Variants in TNS1 observed in about 807,000 individuals in gnomAD.
TNS1 encodes tensin 1, also known as tensin-1.
TNS1 carries 62 observed loss-of-function variants against 168.6 expected under a neutral mutation model. The observed-to-expected ratio is 0.37, with a 90% CI of 0.30 to 0.45. The LOEUF (loss-of-function observed/expected upper bound fraction) is 0.45. TNS1 is among the 20% of genes least tolerant of loss of function. The pLI, the probability that TNS1 is intolerant of heterozygous loss-of-function variation, is 1.00. For synonymous variants in TNS1, 934 were observed against 933.2 expected (o/e 1.00, Z -0.02); for missense variants, 2,240 against 2,339.4 (o/e 0.96, Z 0.88).
At chr2:217,924,113 C>G (rs532364021) in intron 3 of TNS1, among the ~76,000 whole-genome samples, 1 of 152,346 alleles carries the variant, frequency 6.6e-6, no homozygotes, top group East Asian at 1.9e-4. Context: ...AAGCCACACA[C>G]AGAGGTGGGT....
intron 1 of TNS1, among the ~76,000 whole-genome samples, chr2:218,020,049 G>A (rs564537755): frequency 2.0e-5 from 3 of 152,234 alleles, no homozygotes; most frequent in Admixed American, 1.3e-4. Context: ...GAACACACAT[G>A]TTGACTCTCG....
At chr2:217,939,196 G>A (rs1956785610) in intron 3 of TNS1, among the ~76,000 whole-genome samples, 1 of 152,196 alleles carries the variant, frequency 6.6e-6, no homozygotes, top group Non-Finnish European at 1.5e-5. Context: ...GGAAACTGAG[G>A]CTCACAGAGG....
At chr2:218,028,677 A>G (rs910608382) in intron 1 of TNS1, among the ~76,000 whole-genome samples, 6 of 152,134 alleles carry the variant, frequency 3.9e-5, no homozygotes, top group Non-Finnish European at 7.4e-5. Flanking sequence ...TCCATCCCCT[A>G]TCCTTGGGGT....
intron 30 of TNS1, chr2:217,809,578 TA>T (rs1352410085): frequency 0.011 from 881 of 77,672 alleles, 296 homozygotes; most frequent in Admixed American, 0.047. Context: ...GATGGATGGA[TA>T]GGTGCATGGA....
At chr2:217,908,801 G>C (rs556505732) in intron 4 of TNS1, among the ~76,000 whole-genome samples, 2 of 152,174 alleles carry the variant, frequency 1.3e-5, no homozygotes, top group African/African-American at 4.8e-5. Context: ...ACGGGGTCCA[G>C]GCACAGGGGT....
At chr2:217,940,556 C>A (rs779756925) in intron 3 of TNS1, among the ~76,000 whole-genome samples, 3 of 151,924 alleles carry the variant, frequency 2.0e-5, no homozygotes, top group Non-Finnish European at 4.4e-5. Context: ...GAAAGAGTGT[C>A]GTCATTTAGC....
chr2:218,018,086 T>C (rs775712461), intron 1 of TNS1, among the ~76,000 whole-genome samples: 1 of 151,948 alleles, frequency 6.6e-6, no homozygotes, highest in Non-Finnish European at 1.5e-5. Context: ...AAGAGAGGAA[T>C]TGGAGGGTAC....
chr2:217,906,566 C>A (rs1241252007), intron 5 of TNS1, among the ~76,000 whole-genome samples, 181 bp from the exon 6 acceptor site: 1 of 152,230 alleles, frequency 6.6e-6, no homozygotes, highest in Non-Finnish European at 1.5e-5. Flanking sequence ...ACCAAATCCT[C>A]TCCTTTACAA....
rs1405954729 is a variant in TNS1 at position 217,900,507 on chromosome 2, G to A, written c.327C>T (p.Ser109=). The change falls in exon 7 of 33, where the codon TCC becomes TCT. Residue 109 remains serine, a synonymous_variant. Transcript: ENST00000682258. Reference sequence around the variant, plus strand: ...GCTGGACACTCGGGGTGACCCTGGTGGAGCCCTGGGAAGGAGAGAAGAGAA... The same window carrying A: ...GCTGGACACTCGGGGTGACCCTGGTAGAGCCCTGGGAAGGAGAGAAGAGAA... ...NTRKSLEDNG[S]TRVTPSVQPH... is the part of the protein sequence containing the mutation. 2 of 1,535,542 alleles carry A rather than the reference G, an allele frequency of 1.3e-6. No individual in the cohort carries two copies. Among genetic ancestry groups the A allele is most frequent in the East Asian group, 2.4e-5 (1 of 40,902 alleles).
chr2:217,988,407 G>C (rs1958256595), intron 2 of TNS1, among the ~76,000 whole-genome samples: 1 of 152,202 alleles, frequency 6.6e-6, no homozygotes, highest in Admixed American at 6.5e-5. Context: ...ACTGCAGCCA[G>C]AGAAATGCCC....
intron 3 of TNS1, among the ~76,000 whole-genome samples, chr2:217,953,273 G>A (rs1486595376): frequency 6.6e-6 from 1 of 152,150 alleles, no homozygotes; most frequent in Non-Finnish European, 1.5e-5. Flanking sequence ...GAGAGTGCGG[G>A]GCAACAGCTA....
chr2:218,002,243 C>T (rs182160106), intron 1 of TNS1, among the ~76,000 whole-genome samples: 3 of 152,282 alleles, frequency 2.0e-5, no homozygotes, highest in Admixed American at 2.0e-4. Context: ...AAGAGCGGGC[C>T]ATGGCTCCCT....
intron 3 of TNS1, among the ~76,000 whole-genome samples, chr2:217,950,045 T>C (rs1182411740): frequency 1.3e-5 from 2 of 152,162 alleles, no homozygotes. Context: ...CCAAAGGAGA[T>C]AAGAATTCTA....
At chr2:217,902,724 C>T (rs1426550123) in intron 6 of TNS1, among the ~76,000 whole-genome samples, 4 of 151,844 alleles carry the variant, frequency 2.6e-5, no homozygotes, top group African/African-American at 7.3e-5. Context: ...CTCCACCGGG[C>T]GGGGAGGGGA....
In TNS1 at chr2:217,952,453, G is replaced by A. The variant is rs116611033; in HGVS notation, c.186+26312C>T. 5.6e-3 allele frequency among the ~76,000 whole-genome samples: 852 copies of A among 151,916 alleles called. 8 individuals are homozygous for A. Among genetic ancestry groups the A allele is most frequent in the African/African-American group, 0.019 (791 of 41,404 alleles). On this transcript the variant is annotated intron_variant, in intron 3 of 32. Transcript: ENST00000682258. ...TTCATTAAGGCCCACTTCCCAAACC[G>A]GTGACTCTCCCGCGCCACACACACA...
In TNS1 at chr2:217,813,261, G is replaced by T; in HGVS notation, c.4908C>A (p.Gly1636=). ...ELVRHFLIET[G]PRGVKLKGCP... ...AGCCCTTGAGCTTGACTCCTCTGGG[G>T]CCAGTCTCTATCAGAAAATGCCTGA... The change falls in exon 27 of 33, where the codon GGC becomes GGA. Residue 1636 remains glycine, a synonymous_variant. Coordinates refer to ENST00000682258, the MANE Select transcript of TNS1 (RefSeq NM_001387777.1). This position sits in a 1 kb window ranked among gnomAD's most constrained non-coding sequence, Gnocchi z 4.0. The T allele has an allele frequency of 6.2e-7, 1 of 1,601,888 alleles. No homozygotes were observed. Among genetic ancestry groups the T allele is most frequent in the East Asian group, 2.2e-5 (1 of 44,528 alleles).
chr2:217,925,693 C>T (rs903680835), intron 3 of TNS1, among the ~76,000 whole-genome samples: 2 of 152,286 alleles, frequency 1.3e-5, no homozygotes, highest in African/African-American at 4.8e-5. Flanking sequence ...TAAATGTATT[C>T]GGTGGCATTA....
At chr2:217,814,786 C>G in intron 25 of TNS1, 126 bp downstream of exon 25, 1 of 722,216 alleles carries the variant, frequency 1.4e-6, no homozygotes, top group Non-Finnish European at 2.3e-6. Context: ...GCTTCAACCC[C>G]AGCCCCCTCT....
In TNS1 at chr2:217,900,484, T is replaced by G; in HGVS notation, c.350A>C (p.Gln117Pro). The part of the protein sequence containing the change: ...NGSTRVTPSV[Q>P]PHLQPIRNMS... Reference sequence around the variant, plus strand: ...ATACCTGATGGGCTGGAGGTGGGGCTGGACACTCGGGGTGACCCTGGTGGA... The same window carrying G: ...ATACCTGATGGGCTGGAGGTGGGGCGGGACACTCGGGGTGACCCTGGTGGA... Residue 117 changes from glutamine (Q) to proline (P), a missense_variant, in exon 7 of 33, where the codon CAG becomes CCG. Physicochemically the swap from Gln to Pro is moderately conservative, Grantham distance 76. Transcript: ENST00000682258. 1 of 1,535,386 alleles carries G rather than the reference T, an allele frequency of 6.5e-7. No individual in the cohort carries two copies. Among genetic ancestry groups the G allele is most frequent in the East Asian group, 2.4e-5 (1 of 40,880 alleles).
Sources: gnomAD v4.1 joint callset for allele counts (sites outside exome capture counted in the v4.1 genomes callset) on GRCh38, gnomAD v4.1.1 for gene constraint, Gnocchi (gnomAD v3.1) non-coding constraint, MANE v1.5 for transcripts, NCBI Gene and HGNC (gene_info 2026-07-23, HGNC 2026-07-21) for gene names.